The following ADAMTS17 variants were observed in gnomAD, a reference collection of about 807,000 sequenced individuals.
ADAMTS17 encodes the protein ADAM metallopeptidase with thrombospondin type 1 motif 17.
In ADAMTS17, 113 loss-of-function variants were observed where a neutral mutation model predicts 141.5. The ratio of observed to expected loss-of-function variants is 0.80; its 90% CI spans 0.69 to 0.93. The LOEUF is 0.93. Ranked by LOEUF, ADAMTS17 falls within the 40% of genes least tolerant of loss-of-function variation. The pLI is 0.00. For synonymous variants in ADAMTS17, 768 were observed against 630.6 expected, an observed-to-expected ratio of 1.22 and a Z score of -3.27; for missense variants, 1,659 against 1,517.9, an observed-to-expected ratio of 1.09 and a Z score of -1.54.
chr15:100,003,976 C>T (rs980872642), intron 18 of ADAMTS17, among the ~76,000 whole-genome samples: 3 of 152,196 alleles, frequency 2.0e-5, no homozygotes, highest in Non-Finnish European at 4.4e-5. Context: ...GTACTTACTG[C>T]CACTGAACTG....
intron 7 of ADAMTS17, among the ~76,000 whole-genome samples, chr15:100,234,113 C>G (rs1418335029): frequency 6.6e-6 from 1 of 152,010 alleles, no homozygotes; most frequent in Non-Finnish European, 1.5e-5. Flanking sequence ...CAGGCCTGGA[C>G]CGTGGGAGGA....
In ADAMTS17 at chr15:100,302,143, G is replaced by T. The variant is rs553556000; in HGVS notation, c.617-20742C>A. Among the ~76,000 whole-genome samples the T allele has an allele frequency of 1.1e-4, 16 of 152,226 alleles. No individual in the cohort carries two copies. The East Asian group carries it at 2.7e-3, about 26-fold the overall frequency. On this transcript the variant is annotated intron_variant, in intron 3 of 21. Transcript: ENST00000268070. ...CTGTCTCCAGATTTGCCTATTCTGGGTATTTCACATTAACAGAATCATATA... is the reference window on the plus strand; with the variant it reads ...CTGTCTCCAGATTTGCCTATTCTGGTTATTTCACATTAACAGAATCATATA...
rs9672906 is a variant in ADAMTS17, at chr15:99,980,682, G to A, written c.2950-4460C>T. Reference sequence around the variant, plus strand: ...TGCAGGAGTGCCAGGAAGGGCTTCCGTTTCTTCTGCGAGTGTTGCTGATAT... The same window carrying A: ...TGCAGGAGTGCCAGGAAGGGCTTCCATTTCTTCTGCGAGTGTTGCTGATAT... On this transcript the variant is annotated intron_variant, in intron 20 of 21. Transcript: ENST00000268070. 8.0e-3 allele frequency: 1,223 copies of A among 152,366 alleles called. 18 individuals carry two copies. Among genetic ancestry groups the A allele is most frequent in the African/African-American group, 0.028 (1,162 of 41,574 alleles). The allele number at this position is 152,366 out of a possible 1,614,324, so 9.4% of individuals were successfully genotyped here. A position where few individuals can be genotyped will look rare whatever the true frequency, so the allele number is the denominator to read the frequency against.
intron 14 of ADAMTS17, among the ~76,000 whole-genome samples, chr15:100,101,994 T>C (rs2036129095): frequency 1.3e-5 from 2 of 152,222 alleles, no homozygotes; most frequent in Non-Finnish European, 2.9e-5. Context: ...TCTTCCTCTT[T>C]CTTGACTTCA....
intron 15 of ADAMTS17, among the ~76,000 whole-genome samples, chr15:100,083,304 G>C (rs554646630): frequency 1.9e-4 from 29 of 152,228 alleles, no homozygotes; most frequent in African/African-American, 6.3e-4. Context: ...CAAGCAGCAG[G>C]GGCTGGAAGC....
At chr15:100,082,506 T>G (rs1485256932) in intron 15 of ADAMTS17, among the ~76,000 whole-genome samples, 1 of 151,952 alleles carries the variant, frequency 6.6e-6, no homozygotes, top group Non-Finnish European at 1.5e-5. Context: ...CTGCCCCCGC[T>G]TCCTGAGTAG....
intron 6 of ADAMTS17, among the ~76,000 whole-genome samples, chr15:100,254,415 G>C (rs4471661): frequency 5.9e-5 from 9 of 151,948 alleles, no homozygotes; most frequent in East Asian, 1.9e-4. Flanking sequence ...TATTCTATAC[G>C]TAACAGTTGC....
At position 100,153,051 on chromosome 15, in the gene ADAMTS17, C is replaced by T. The variant is rs76155209; in HGVS notation, c.1323-289G>A. ...GGCTGATGGACTTTTACTGGGGAGT[C>T]TGAAAGCTTTCTTTGATGAAAATGA... is the stretch of plus-strand genomic sequence containing the variant. On this transcript the variant is annotated intron_variant, in intron 9 of 21. Transcript: ENST00000268070. 9.8e-3 allele frequency among the ~76,000 whole-genome samples: 917 copies of T among 93,748 alleles called. 12 individuals are homozygous for T. The highest frequency in any genetic ancestry group is 0.028 in the African/African-American group (853 of 31,012). The allele number at this position is 93,748 out of a possible 152,430, so 61.5% of individuals were successfully genotyped here.
In ADAMTS17 at chr15:100,341,360, C is replaced by T; in HGVS notation, c.129G>A (p.Val43=). 1 of 1,018,492 alleles carries T rather than the reference C, an allele frequency of 9.8e-7. No individual in the cohort carries two copies. Among genetic ancestry groups the T allele is most frequent in the African/African-American group, 1.7e-5 (1 of 57,578 alleles). The allele number at this position is 1,018,492 out of a possible 1,614,324, so 63.1% of individuals were successfully genotyped here. ...GCGGCAGGTGCACGTCGTCGGGGCG[C>T]ACCCGCCACGGGAGCACCACCTCCA... ...ADVEVVLPWR[V]RPDDVHLPPL... Residue 43 remains valine, a synonymous_variant, in exon 2 of 22, where the codon GTG becomes GTA. Transcript: ENST00000268070.
chr15:100,105,454 T>A (rs1054952917), intron 14 of ADAMTS17, among the ~76,000 whole-genome samples: 33 of 152,066 alleles, frequency 2.2e-4, no homozygotes, highest in African/African-American at 7.7e-4. Flanking sequence ...TGGAGTGACA[T>A]CTGGGGATGG....
chr15:100,055,341 G>T (rs868143344), intron 15 of ADAMTS17, among the ~76,000 whole-genome samples: 1 of 152,190 alleles, frequency 6.6e-6, no homozygotes, highest in Admixed American at 6.5e-5. Context: ...GGTTACTGCT[G>T]AATTCATCAG....
chr15:100,132,251 G>A, intron 11 of ADAMTS17, 99 bp from the exon 12 acceptor site: 1 of 1,485,808 alleles, frequency 6.7e-7, no homozygotes, highest in Non-Finnish European at 9.1e-7. Flanking sequence ...AAACCCATTT[G>A]CTAAATTTAC....
At chr15:100,152,835 T>C (rs2039242153) in intron 9 of ADAMTS17, 73 bp from the exon 10 acceptor site, 2 of 1,572,484 alleles carry the variant, frequency 1.3e-6, no homozygotes, top group Non-Finnish European at 1.7e-6. Context: ...TTCTTTTTTT[T>C]TTTGAGTTTT....
intron 8 of ADAMTS17, among the ~76,000 whole-genome samples, chr15:100,183,395 G>C (rs1023309785): frequency 3.3e-5 from 5 of 152,116 alleles, no homozygotes; most frequent in African/African-American, 1.2e-4. Context: ...ATTCATCTAA[G>C]TTCACGGATT....
At chr15:100,236,500 C>T (rs954200304) in intron 7 of ADAMTS17, among the ~76,000 whole-genome samples, 9 of 152,060 alleles carry the variant, frequency 5.9e-5, no homozygotes, top group African/African-American at 1.7e-4. Flanking sequence ...CTTACTAACA[C>T]TGAACAGCTA....
intron 18 of ADAMTS17, among the ~76,000 whole-genome samples, chr15:100,003,294 C>G (rs954470345): frequency 6.6e-6 from 1 of 152,068 alleles, no homozygotes; most frequent in Admixed American, 6.5e-5. Context: ...AAATACGGCT[C>G]AGCCCACAGG....
intron 3 of ADAMTS17, among the ~76,000 whole-genome samples, chr15:100,323,212 A>T (rs10468190): frequency 0.045 from 6,899 of 152,248 alleles, 502 homozygotes; most frequent in African/African-American, 0.16. Context: ...GTGTTTACAT[A>T]TATTAACTTA....
At chr15:100,192,932 G>C (rs1173466938) in intron 8 of ADAMTS17, among the ~76,000 whole-genome samples, 1 of 152,126 alleles carries the variant, frequency 6.6e-6, no homozygotes, top group Non-Finnish European at 1.5e-5. Context: ...ACTTTGCAGG[G>C]ATCAGATTCC....
At chr15:100,116,307 G>C (rs1389070799) in intron 13 of ADAMTS17, among the ~76,000 whole-genome samples, 1 of 152,148 alleles carries the variant, frequency 6.6e-6, no homozygotes, top group African/African-American at 2.4e-5. Context: ...AGAGCCTCTT[G>C]ATTCAGGAGA....
Sources: allele counts gnomAD v4.1 joint callset (sites outside exome capture counted in the v4.1 genomes callset), GRCh38; gene constraint gnomAD v4.1.1; transcripts MANE v1.5; gene names NCBI Gene and HGNC (gene_info 2026-07-23, HGNC 2026-07-21).